TRPM4: variants seen among roughly 807,000 people sequenced by gnomAD.
The protein encoded by TRPM4 is transient receptor potential cation channel subfamily M member 4, also known as calcium-activated non-selective cation channel 1.
Under a neutral mutation model 135.6 loss-of-function variants are expected in TRPM4, and 124 were observed. The observed-to-expected ratio is 0.91, with a 90% CI of 0.79 to 1.06. The LOEUF (loss-of-function observed/expected upper bound fraction) is 1.06, where lower values mean the gene tolerates loss of function less well. Among genes scored for constraint, TRPM4 ranks in the 50% least tolerant of loss-of-function variants. The pLI, the probability that TRPM4 is intolerant of heterozygous loss-of-function variation, is 0.00. For missense variants in TRPM4, 1,658 were observed against 1,671.4 expected, an observed-to-expected ratio of 0.99 and a Z score of 0.14; for synonymous variants, 745 against 705.6, an observed-to-expected ratio of 1.06 and a Z score of -0.88.
intron 20 of TRPM4, among the ~76,000 whole-genome samples, chr19:49,203,190 C>T (rs1249327206): frequency 2.7e-5 from 4 of 147,106 alleles, no homozygotes; most frequent in African/African-American, 1.0e-4. Flanking sequence ...CGCGCCCCGC[C>T]TTTTTTTGAG....
chr19:49,195,240 T>A (rs971653259), intron 16 of TRPM4, among the ~76,000 whole-genome samples: 21 of 152,214 alleles, frequency 1.4e-4, no homozygotes, highest in African/African-American at 4.8e-4. Context: ...ACTCTGTACA[T>A]GCTTAGCACT....
intron 2 of TRPM4, among the ~76,000 whole-genome samples, chr19:49,165,159 T>C (rs1177248738): frequency 6.6e-6 from 1 of 152,082 alleles, no homozygotes; most frequent in Non-Finnish European, 1.5e-5. Context: ...AAGTTTTATA[T>C]GTGGAAACTT....
At chr19:49,199,933 T>G (rs1392004923) in intron 17 of TRPM4, among the ~76,000 whole-genome samples, 1 of 152,224 alleles carries the variant, frequency 6.6e-6, no homozygotes, top group Non-Finnish European at 1.5e-5. Flanking sequence ...GTACGTGGTA[T>G]CCTTTATCTG....
chr19:49,193,763 A>G (rs1175802), intron 16 of TRPM4, among the ~76,000 whole-genome samples: 19,071 of 152,100 alleles, frequency 0.13, 1,934 homozygotes, highest in African/African-American at 0.27. Context: ...GGTTTTCTCT[A>G]TCAGTAGGGA....
rs183573398 is a variant in TRPM4, at chr19:49,175,046, G to A, written c.1150+2938G>A. Reference sequence around the variant, plus strand: ...AGCCCCACAAGTAGCTGGGACCACAGGCATGTGCCATCATGCCTGGCTTTT... The same window carrying A: ...AGCCCCACAAGTAGCTGGGACCACAAGCATGTGCCATCATGCCTGGCTTTT... On this transcript the variant is annotated intron_variant, in intron 9 of 24. Transcript: ENST00000252826. Among the ~76,000 whole-genome samples, 11 of 146,314 alleles carry A rather than the reference G, an allele frequency of 7.5e-5. 1 individual carries two copies. The East Asian group carries it at 2.3e-3, about 30-fold the overall frequency.
intron 9 of TRPM4, among the ~76,000 whole-genome samples, chr19:49,175,067 C>CTTTTTTTTTTTTTTTTTTTT (rs772062913): frequency 1.3e-4 from 10 of 77,586 alleles, no homozygotes; most frequent in African/African-American, 5.9e-4. Context: ...TCATGCCTGG[C>CTTTTTTTTTTTTTTTTTTTT]TTTTTTTTTT....
rs931479971 is a variant in TRPM4 at position 49,210,626 on chromosome 19, T to C, written c.3329-84T>C. 1.2e-6 allele frequency: 2 copies of C among 1,602,082 alleles called. No individual in the cohort carries two copies. The highest frequency in any genetic ancestry group is 1.7e-5 in the Admixed American group (1 of 59,724). ...ACCAGGGGCTGGGTCTGGGATAGCG[T>C]GCGTGTTCTGAGGGTGTCGGAAGGG... On this transcript the variant is annotated intron_variant, in intron 21 of 24. Transcript: ENST00000252826. The surrounding 1 kb of genome is among the most constrained non-coding windows in gnomAD (Gnocchi z 4.1).
chr19:49,204,703 T>A (rs1201933480), intron 20 of TRPM4, among the ~76,000 whole-genome samples: 2 of 150,588 alleles, frequency 1.3e-5, no homozygotes, highest in African/African-American at 5.0e-5. Flanking sequence ...CTTGTTTTTT[T>A]AATTTTTTTT....
intron 12 of TRPM4, among the ~76,000 whole-genome samples, chr19:49,188,117 G>T (rs1968266182): frequency 1.3e-5 from 2 of 152,168 alleles, no homozygotes; most frequent in African/African-American, 2.4e-5. Flanking sequence ...CAAGATGGGG[G>T]TCTTTGGGGA....
chr19:49,186,055 T>C (rs1467278834), intron 12 of TRPM4, among the ~76,000 whole-genome samples: 2 of 152,288 alleles, frequency 1.3e-5, no homozygotes, highest in South Asian at 4.1e-4. Flanking sequence ...CCACCCTGTT[T>C]AGTGACTTCT....
chr19:49,172,156 G>A (rs1182488816), intron 9 of TRPM4, 48 bp downstream of exon 9: 2 of 1,437,398 alleles, frequency 1.4e-6, no homozygotes, highest in African/African-American at 1.4e-5. Flanking sequence ...TTCAACCTTA[G>A]ACACCTTTCC....
At chr19:49,178,999 C>T (rs1182189282) in intron 9 of TRPM4, among the ~76,000 whole-genome samples, 4 of 151,696 alleles carry the variant, frequency 2.6e-5, no homozygotes, top group African/African-American at 4.8e-5. Context: ...ACCTCATGAT[C>T]CACCCATCTC....
At chr19:49,164,421 T>G (rs12461084) in intron 2 of TRPM4, among the ~76,000 whole-genome samples, 36,909 of 130,114 alleles carry the variant, frequency 0.28, 5,637 homozygotes, top group South Asian at 0.39. Context: ...CGCTCTTGTC[T>G]CCCAGGCTGG....
chr19:49,206,048 C>T (rs2145984646), intron 20 of TRPM4, among the ~76,000 whole-genome samples: 2 of 152,298 alleles, frequency 1.3e-5, no homozygotes, highest in South Asian at 4.1e-4. Flanking sequence ...GCAACATCCG[C>T]ATCCTGGATT....
In TRPM4 at chr19:49,183,159, C is replaced by T. The variant is rs201994425; in HGVS notation, c.1690C>T (p.Leu564Phe). The change falls in exon 12 of 25, where the codon CTT (leucine) becomes TTT (phenylalanine). Residue 564 changes from leucine to phenylalanine, a missense_variant. By Grantham distance (22) the Leu-to-Phe change is conservative. Coordinates refer to ENST00000252826, the MANE Select transcript of TRPM4 (RefSeq NM_017636.4). Reference sequence around the variant, plus strand: ...GCAGGCCCCCTGGAGCGACCTGCTTCTTTGGGCACTGTTGCTGAACAGGGC... The same window carrying T: ...GCAGGCCCCCTGGAGCGACCTGCTTTTTTGGGCACTGTTGCTGAACAGGGC... Reference protein sequence around the residue: ...LGQAPWSDLLLWALLLNRAQM... With the variant: ...LGQAPWSDLLFWALLLNRAQM... 8 of 1,614,132 alleles carry T rather than the reference C, an allele frequency of 5.0e-6. No homozygotes were observed. In the Admixed American group the frequency reaches 8.3e-5, roughly 17 times the overall value.
chr19:49,172,167 T>C, intron 9 of TRPM4, 59 bp downstream of exon 9: 1 of 1,310,548 alleles, frequency 7.6e-7, no homozygotes, highest in Non-Finnish European at 1.1e-6. Flanking sequence ...ACACCTTTCC[T>C]GGCCTGGGCA....
At chr19:49,158,298 C>T (rs975781645) in intron 2 of TRPM4, 39 bp downstream of exon 2, 1 of 1,595,900 alleles carries the variant, frequency 6.3e-7, no homozygotes, top group Non-Finnish European at 8.6e-7. Flanking sequence ...AGAGGGTCCG[C>T]GGCCCGCTGA....
chr19:49,200,608 C>T lies in TRPM4; in HGVS notation c.2779-3C>T. On this transcript the variant is annotated splice_polypyrimidine_tract_variant and splice_region_variant and intron_variant, in intron 18 of 24. Coordinates refer to ENST00000252826, the MANE Select transcript of TRPM4 (RefSeq NM_017636.4). ...GGCCAGACTCAGCCACATCTCCCCACAGATGAAGGACGTGTTCTTCTTCCT... is the reference window on the plus strand; with the variant it reads ...GGCCAGACTCAGCCACATCTCCCCATAGATGAAGGACGTGTTCTTCTTCCT... 5.0e-6 allele frequency: 8 copies of T among 1,612,490 alleles called. No individual in the cohort carries two copies. Among genetic ancestry groups the T allele is most frequent in the Non-Finnish European group, 6.8e-6 (8 of 1,180,012 alleles).
At position 49,196,545 on chromosome 19, in the gene TRPM4, G is replaced by T; in HGVS notation, c.2316G>T (p.Trp772Cys). Residue 772 changes from tryptophan (W) to cysteine (C), a missense_variant, in exon 17 of 25, where the codon TGG becomes TGT. Coordinates refer to ENST00000252826, the MANE Select transcript of TRPM4 (RefSeq NM_017636.4). ...RCGGRRCLRR[W>C]FHFWGAPVTI... ...GGGGGCGCCGGTGCCTACGCCGCTG[G>T]TTCCACTTCTGGGGCGCGCCGGTGA... is the stretch of plus-strand genomic sequence containing the variant. 1 of 1,555,482 alleles carries T rather than the reference G, an allele frequency of 6.4e-7. No individual in the cohort carries two copies. Among genetic ancestry groups the T allele is most frequent in the Non-Finnish European group, 8.7e-7 (1 of 1,153,600 alleles).
Sources: gnomAD v4.1 joint callset for allele counts (sites outside exome capture counted in the v4.1 genomes callset) on GRCh38, gnomAD v4.1.1 for gene constraint, Gnocchi (gnomAD v3.1) non-coding constraint, MANE v1.5 for transcripts, NCBI Gene and HGNC (gene_info 2026-07-23, HGNC 2026-07-21) for gene names.